Variants in SNRPN observed in about 807,000 individuals in gnomAD.
SNRPN encodes the protein small nuclear ribonucleoprotein-associated protein N.
Under a neutral mutation model 25.2 loss-of-function variants are expected in SNRPN, and 7 were observed. That is an observed-to-expected ratio of 0.28 (90% CI 0.16 to 0.52). SNRPN has a LOEUF of 0.52. SNRPN is among the 20% of genes least tolerant of loss of function. The probability of loss-of-function intolerance (pLI) is 0.96; values close to 1 mark genes in which losing one functional copy is unlikely to be tolerated. For synonymous variants in SNRPN, 124 were observed against 110.6 expected (o/e 1.12, Z -0.76); for missense variants, 196 against 322.5 (o/e 0.61, Z 3.00).
At chr15:24,881,840 G>A (rs1028916169) in intron 1 of SNRPN, among the ~76,000 whole-genome samples, 3 of 152,154 alleles carry the variant, frequency 2.0e-5, no homozygotes, top group African/African-American at 7.2e-5. Context: ...GAATGTGTAT[G>A]TATAATCGTC....
At chr15:24,874,970 T>A (rs2055706022) in intron 1 of SNRPN, among the ~76,000 whole-genome samples, 1 of 151,764 alleles carries the variant, frequency 6.6e-6, no homozygotes, top group African/African-American at 2.4e-5. Flanking sequence ...TTTATAGTAG[T>A]TGAAAGTTTT....
intron 2 of SNRPN, among the ~76,000 whole-genome samples, chr15:24,887,656 G>A (rs116505962): frequency 0.025 from 3,810 of 152,174 alleles, 163 homozygotes; most frequent in African/African-American, 0.088. Context: ...AAATGTAACC[G>A]AAAATTAAAC....
At chr15:24,943,130 C>T (rs1156987946) in intron 3 of SNRPN, among the ~76,000 whole-genome samples, 2 of 151,964 alleles carry the variant, frequency 1.3e-5, no homozygotes, top group Non-Finnish European at 2.9e-5. Flanking sequence ...GCTCCTTCCA[C>T]ATTACTGACC....
intron 2 of SNRPN, among the ~76,000 whole-genome samples, chr15:24,895,690 C>A (rs2058044438): frequency 6.6e-6 from 1 of 152,164 alleles, no homozygotes; most frequent in African/African-American, 2.4e-5. Context: ...TCTGCCGTTA[C>A]AAAGGTACTC....
chr15:24,850,082 ACTGT>A (rs1379221011), intron 2 of SNRPN: 1 of 152,154 alleles, frequency 6.6e-6, no homozygotes, highest in African/African-American at 2.4e-5. Context: ...AGGCTGGACC[ACTGT>A]CTGTGTGATT....
At chr15:24,901,019 C>G (rs1481128833) in intron 2 of SNRPN, among the ~76,000 whole-genome samples, 1 of 152,122 alleles carries the variant, frequency 6.6e-6, no homozygotes, top group Non-Finnish European at 1.5e-5. Flanking sequence ...TCACTTGAGC[C>G]CTGGAGGTTG....
intron 1 of SNRPN, among the ~76,000 whole-genome samples, chr15:24,867,469 G>A (rs928773609): frequency 4.6e-5 from 7 of 151,676 alleles, no homozygotes; most frequent in African/African-American, 1.7e-4. Context: ...CCGCCTCCCT[G>A]GTTCACGCCA....
chr15:24,842,508 C>T (rs1229483445), intron 2 of SNRPN, among the ~76,000 whole-genome samples: 1 of 152,194 alleles, frequency 6.6e-6, no homozygotes, highest in South Asian at 2.1e-4. Flanking sequence ...ATTGCAAATG[C>T]CCCCCTTTCA....
chr15:24,860,103 C>G (rs182626622), intron 1 of SNRPN, among the ~76,000 whole-genome samples: 87 of 152,290 alleles, frequency 5.7e-4, no homozygotes, highest in African/African-American at 1.8e-3. Context: ...TGGAGTTGCT[C>G]TGGTTCACAT....
At chr15:24,853,673 G>A (rs997722918), upstream of SNRPN, among the ~76,000 whole-genome samples, 2 of 152,134 alleles carry the variant, frequency 1.3e-5, no homozygotes, top group Admixed American at 6.5e-5. Context: ...GATTACAGGC[G>A]TGAGCCACCG....
At chr15:24,878,924 C>T (rs879278204) in intron 1 of SNRPN, among the ~76,000 whole-genome samples, 1 of 152,058 alleles carries the variant, frequency 6.6e-6, no homozygotes, top group Non-Finnish European at 1.5e-5. Flanking sequence ...CTTGTAGAGG[C>T]TTCAGGGTCA....
intron 2 of SNRPN, among the ~76,000 whole-genome samples, chr15:24,891,763 T>C (rs74697794): frequency 0.055 from 8,319 of 152,246 alleles, 300 homozygotes; most frequent in Middle Eastern, 0.085. Flanking sequence ...ATTTTATAAA[T>C]TAATTTGGTA....
intron 3 of SNRPN, among the ~76,000 whole-genome samples, chr15:24,948,791 T>C (rs927816865): frequency 2.0e-5 from 3 of 152,018 alleles, no homozygotes; most frequent in African/African-American, 7.2e-5. Context: ...AAATTTACCC[T>C]TTTAAAATAT....
chr15:24,971,344 T>C (rs1015079344), intron 3 of SNRPN, among the ~76,000 whole-genome samples: 5 of 152,162 alleles, frequency 3.3e-5, no homozygotes, highest in African/African-American at 1.2e-4. Context: ...ATTTGACCAC[T>C]CTGCAGTGAT....
chr15:24,856,759 A>G (rs1163242691), intron 1 of SNRPN: 1 of 152,188 alleles, frequency 6.6e-6, no homozygotes, highest in Admixed American at 6.5e-5. Flanking sequence ...TTAAGGTCCA[A>G]ATATCTTTAA....
At chr15:24,926,221 C>T (rs1436274756) in intron 3 of SNRPN, among the ~76,000 whole-genome samples, 1 of 151,916 alleles carries the variant, frequency 6.6e-6, no homozygotes, top group Admixed American at 6.6e-5. Context: ...TAATAATTTT[C>T]CAACTTTTAT....
At position 24,976,972 on chromosome 15, in the gene SNRPN, C is replaced by A. The variant is rs142287541; in HGVS notation, c.363C>A (p.Pro121=). 4.4e-4 allele frequency: 708 copies of A among 1,604,712 alleles called. 2 individuals are homozygous for A. In the African/African-American group the frequency reaches 8.5e-3, roughly 19 times the overall value. The part of the protein sequence containing the change: ...GRGVPAGVPI[P]QAPAGLAGPV... Reference sequence around the variant, plus strand: ...GAGTACCAGCTGGTGTGCCAATTCCCCAGGCCCCTGCTGGATTGGCAGGCC... The same window carrying A: ...GAGTACCAGCTGGTGTGCCAATTCCACAGGCCCCTGCTGGATTGGCAGGCC... The change falls in exon 7 of 10, where the codon CCC becomes CCA. Residue 121 remains proline, a synonymous_variant. Transcript: ENST00000390687.
At chr15:24,829,275 G>T (rs1027969416) in intron 1 of SNRPN, among the ~76,000 whole-genome samples, 1 of 152,120 alleles carries the variant, frequency 6.6e-6, no homozygotes, top group African/African-American at 2.4e-5. Flanking sequence ...GCCCTTGGGA[G>T]CCCAGAGGGC....
intron 2 of SNRPN, among the ~76,000 whole-genome samples, chr15:24,912,786 G>A (rs545106984): frequency 6.6e-6 from 1 of 152,220 alleles, no homozygotes; most frequent in East Asian, 1.9e-4. Context: ...CATAGTCATG[G>A]CTCCTCCACA....
Sources: allele counts gnomAD v4.1 joint callset (sites outside exome capture counted in the v4.1 genomes callset), GRCh38; gene constraint gnomAD v4.1.1; transcripts MANE v1.5; gene names NCBI Gene and HGNC (gene_info 2026-07-23, HGNC 2026-07-21).